The following YWHAZ variants were observed in gnomAD, a reference collection of about 807,000 sequenced individuals.
The protein encoded by YWHAZ is 14-3-3 protein zeta/delta.
For synonymous variants in YWHAZ, 87 were observed against 103.6 expected (o/e 0.84, Z 0.97); for missense variants, 79 against 284.8 (o/e 0.28, Z 5.20).
At chr8:100,935,226 T>A (rs866448383) in intron 2 of YWHAZ, among the ~76,000 whole-genome samples, 34 of 152,270 alleles carry the variant, frequency 2.2e-4, no homozygotes, top group Middle Eastern at 3.4e-3. Flanking sequence ...TAGGCTCTAA[T>A]AAAGGCACGT....
chr8:100,942,832 G>GA (rs1437177226), intron 2 of YWHAZ, among the ~76,000 whole-genome samples: 1 of 152,008 alleles, frequency 6.6e-6, no homozygotes, highest in African/African-American at 2.4e-5. Flanking sequence ...ACATAGAACT[G>GA]AAAAAGGAAA....
At position 100,948,612 on chromosome 8, in the gene YWHAZ, A is replaced by G. The variant is rs1401590499; in HGVS notation, c.278T>C (p.Ile93Thr). ...GATTCTCACCAGTACATCATTGCAG[A>G]TATCTCTTAGCTCCGTCTCAATTTT... ...REKIETELRD[I>T]CNDVLSLLEK... Residue 93 changes from isoleucine to threonine, a missense_variant, in exon 2 of 6, where the codon ATC becomes ACC. Physicochemically the swap from Ile to Thr is moderately conservative, Grantham distance 89. Transcript: ENST00000395958. The surrounding 1 kb of genome is among the most constrained non-coding windows in gnomAD (Gnocchi z 4.2). The G allele has an allele frequency of 1.2e-6, 2 of 1,611,234 alleles. No individual in the cohort carries two copies. Among genetic ancestry groups the G allele is most frequent in the Non-Finnish European group, 8.5e-7 (1 of 1,179,818 alleles).
chr8:100,935,390 CATCATCAAGAGTGTATT>C (rs574057381), intron 2 of YWHAZ, among the ~76,000 whole-genome samples: 18 of 152,202 alleles, frequency 1.2e-4, no homozygotes, highest in Non-Finnish European at 2.5e-4. Context: ...AGAAAGTCTT[CATCATCAAGAGTGTATT>C]ACCTTACCAA....
At chr8:100,947,177 C>G (rs1810354640) in intron 2 of YWHAZ, among the ~76,000 whole-genome samples, 1 of 151,004 alleles carries the variant, frequency 6.6e-6, no homozygotes, top group African/African-American at 2.4e-5. Context: ...TGGCGTGAAC[C>G]CGGGAGGCGG....
rs1370366192 is a variant in YWHAZ, at chr8:100,919,023, AAC to A, written c.*1668_*1669del. On this transcript the variant is annotated 3_prime_UTR_variant, in exon 6 of 6. Transcript: ENST00000395958. The stretch of plus-strand genomic sequence containing the variant: ...ATAGGTAGGGTTTTAAAGGGAGATA[AAC>A]ACAGTCTCATCAACTAAGGAGAGAT... 1.3e-5 allele frequency: 2 copies of A among 152,288 alleles called. No homozygotes were observed. Among genetic ancestry groups the A allele is most frequent in the African/African-American group, 4.8e-5 (2 of 41,428 alleles). The allele number at this position is 152,288 out of a possible 1,614,324, so 9.4% of individuals were successfully genotyped here. A position where few individuals can be genotyped will look rare whatever the true frequency, so the allele number is the denominator to read the frequency against.
intron 2 of YWHAZ, among the ~76,000 whole-genome samples, chr8:100,931,091 G>A (rs3134380): frequency 0.45 from 67,968 of 151,950 alleles, 16,192 homozygotes; most frequent in South Asian, 0.63. Context: ...CTACTGCACC[G>A]TAGTATAATT....
intron 1 of YWHAZ, chr8:100,950,642 C>T: frequency 1.0e-6 from 1 of 979,720 alleles, no homozygotes; most frequent in East Asian, 1.2e-4. Flanking sequence ...GCAGCCCGCG[C>T]CCCCGCCCAA....
chr8:100,952,587 C>G (rs1166230718), upstream of YWHAZ: 1 of 191,940 alleles, frequency 5.2e-6, no homozygotes, highest in Non-Finnish European at 9.6e-6. Context: ...GAGGCCCGGC[C>G]CGCCCCACCC....
chr8:100,938,884 G>C (rs556666152), intron 2 of YWHAZ, among the ~76,000 whole-genome samples: 2 of 152,162 alleles, frequency 1.3e-5, no homozygotes, highest in African/African-American at 2.4e-5. Context: ...AAGTCTTTTA[G>C]ACATTTTGAC....
At chr8:100,926,502 G>T (rs1482403378) in intron 2 of YWHAZ, among the ~76,000 whole-genome samples, 1 of 152,128 alleles carries the variant, frequency 6.6e-6, no homozygotes, top group Non-Finnish European at 1.5e-5. Context: ...GTGGTGACGG[G>T]CGCCTGTAAT....
chr8:100,947,428 C>T (rs757058759), intron 2 of YWHAZ, among the ~76,000 whole-genome samples: 42 of 151,884 alleles, frequency 2.8e-4, no homozygotes, highest in African/African-American at 4.8e-5. Flanking sequence ...AAAAAAATGC[C>T]CCAAGACAGA....
intron 2 of YWHAZ, among the ~76,000 whole-genome samples, chr8:100,938,763 C>T (rs1051894320): frequency 5.9e-5 from 9 of 152,142 alleles, no homozygotes; most frequent in Non-Finnish European, 8.8e-5. Flanking sequence ...CCCTTGTGGC[C>T]GGAGTGGCTT....
chr8:100,951,332 C>A (rs1563694932), intron 1 of YWHAZ: 4 of 984,580 alleles, frequency 4.1e-6, no homozygotes, highest in Non-Finnish European at 2.4e-6. Context: ...CCCTCCCCGC[C>A]GCGCCACCGC....
chr8:100,931,275 C>G (rs1554614570), intron 2 of YWHAZ, among the ~76,000 whole-genome samples: 1 of 152,192 alleles, frequency 6.6e-6, no homozygotes, highest in Non-Finnish European at 1.5e-5. Context: ...GACAGGTCAT[C>G]TGTTTCTGAT....
At chr8:100,921,454 G>A (rs17365305) in intron 5 of YWHAZ, among the ~76,000 whole-genome samples, 3,462 of 152,260 alleles carry the variant, frequency 0.023, 58 homozygotes, top group Non-Finnish European at 0.036. Context: ...CATGCTGAAG[G>A]AGCTAGGGTT....
Position 100,918,443 on chromosome 8 carries a change from T to TATATATATATA in YWHAZ, c.*2249_*2250insTATATATATAT, listed in dbSNP as rs1417316114. ...ATATATATATATATATATATATATA[T>TATATATATATA]AATTATTTTACCTCCTTGGCTTGGG... is the stretch of plus-strand genomic sequence containing the variant. On this transcript the variant is annotated 3_prime_UTR_variant, in exon 6 of 6. Coordinates refer to ENST00000395958, the MANE Select transcript of YWHAZ (RefSeq NM_145690.3). The TATATATATATA allele has an allele frequency of 5.1e-5, 6 of 117,054 alleles. No individual in the cohort carries two copies. Among genetic ancestry groups the TATATATATATA allele is most frequent in the South Asian group, 2.9e-4 (1 of 3,500 alleles). 7.3% of individuals were successfully genotyped at this position (117,054 alleles called of 1,614,324 possible).
chr8:100,919,768 T>C lies in YWHAZ; in HGVS notation c.*925A>G, dbSNP rs1199269049. 1 of 152,498 alleles carries C rather than the reference T, an allele frequency of 6.6e-6. No homozygotes were observed. 9.4% of individuals were successfully genotyped at this position (152,498 alleles called of 1,614,324 possible). A position where few individuals can be genotyped will look rare whatever the true frequency, so the allele number is the denominator to read the frequency against. On this transcript the variant is annotated 3_prime_UTR_variant, in exon 6 of 6. Coordinates refer to ENST00000395958, the MANE Select transcript of YWHAZ (RefSeq NM_145690.3). ...CGTGTTCTTAACAATTATGCTTGGATTGTTCATGAAAATTTCATAAGACAT... is the reference window on the plus strand; with the variant it reads ...CGTGTTCTTAACAATTATGCTTGGACTGTTCATGAAAATTTCATAAGACAT...
At chr8:100,921,168 G>C (rs868854568) in intron 5 of YWHAZ, among the ~76,000 whole-genome samples, 1 of 152,034 alleles carries the variant, frequency 6.6e-6, no homozygotes, top group Non-Finnish European at 1.5e-5. Context: ...TGAGTAGCTG[G>C]GACTACAGGC....
chr8:100,937,394 GA>G (rs1814228346), intron 2 of YWHAZ, among the ~76,000 whole-genome samples: 1 of 151,786 alleles, frequency 6.6e-6, no homozygotes, highest in African/African-American at 2.4e-5. Flanking sequence ...GGGGTGGAGA[GA>G]AAGTTCTCAT....
Sources: gnomAD v4.1 joint callset for allele counts (sites outside exome capture counted in the v4.1 genomes callset) on GRCh38, gnomAD v4.1.1 for gene constraint, Gnocchi (gnomAD v3.1) non-coding constraint, MANE v1.5 for transcripts, NCBI Gene and HGNC (gene_info 2026-07-23, HGNC 2026-07-21) for gene names.